The following CSMD2 variants were observed in gnomAD, a reference collection of about 807,000 sequenced individuals.
The protein encoded by CSMD2 is CUB and sushi domain-containing protein 2.
CSMD2 carries 130 observed loss-of-function variants against 398.5 expected under a neutral mutation model. That is an observed-to-expected ratio of 0.33 (90% CI 0.28 to 0.38). The LOEUF (loss-of-function observed/expected upper bound fraction) is 0.38. CSMD2 is among the 10% of genes least tolerant of loss of function. The probability of loss-of-function intolerance (pLI) is 1.00; values close to 1 mark genes in which losing one functional copy is unlikely to be tolerated. For synonymous variants in CSMD2, 1,828 were observed against 1,908.5 expected, an observed-to-expected ratio of 0.96 and a Z score of 1.10; for missense variants, 3,829 against 4,764.9, an observed-to-expected ratio of 0.80 and a Z score of 5.78.
At chr1:33,557,614 G>GCACACA (rs1658135296) in intron 55 of CSMD2, 120 bp downstream of exon 55, 1 of 761,008 alleles carries the variant, frequency 1.3e-6, no homozygotes, top group Admixed American at 3.0e-5. Flanking sequence ...TCATACATGT[G>GCACACA]CAGACACACA....
rs567624936 is a variant in CSMD2, at chr1:33,661,027, T to C, written c.4255+1863A>G. On this transcript the variant is annotated intron_variant, in intron 26 of 70. Transcript: ENST00000373381. ...GAGGCAGTGGCATCTGAGATGAACC[T>C]TGAAGGATGAATAGGACTTCCATGA... is the stretch of plus-strand genomic sequence containing the variant. 6.6e-5 allele frequency among the ~76,000 whole-genome samples: 10 copies of C among 152,238 alleles called. No individual in the cohort carries two copies. The South Asian group carries it at 8.3e-4, about 13-fold the overall frequency.
chr1:34,104,483 T>C (rs181657969), intron 1 of CSMD2, among the ~76,000 whole-genome samples: 2 of 152,324 alleles, frequency 1.3e-5, no homozygotes, highest in East Asian at 3.9e-4. Context: ...CAGTGGGACA[T>C]CCAGACGGAG....
At position 33,521,542 on chromosome 1, in the gene CSMD2, T is replaced by C; in HGVS notation, c.10518A>G (p.Ser3506=). Residue 3506 remains serine, a synonymous_variant, in exon 68 of 71, where the codon TCA becomes TCG. Transcript: ENST00000373381. ...DHWALDGHVS[S]ESSGATFIYQ... ...AGATGAAGGTGGCTCCGGAGGACTC[T>C]GACGAGACCTGTGATGGTGGGGAGC... is the stretch of plus-strand genomic sequence containing the variant. 2.5e-6 allele frequency: 4 copies of C among 1,607,202 alleles called. No individual in the cohort carries two copies. Among genetic ancestry groups the C allele is most frequent in the Non-Finnish European group, 3.4e-6 (4 of 1,173,744 alleles).
rs142303024 is a variant in CSMD2 at position 34,011,611 on chromosome 1, G to A, written c.517+20983C>T. Among the ~76,000 whole-genome samples the A allele has an allele frequency of 4.9e-4, 75 of 152,196 alleles. No individual in the cohort carries two copies. The East Asian group carries it at 0.013, about 25-fold the overall frequency. The stretch of plus-strand genomic sequence containing the variant: ...TTTAATTTTTGTTGAGTACATAGGT[G>A]TATATATTCATGGGGTACATGAGAT... On this transcript the variant is annotated intron_variant, in intron 3 of 70. Transcript: ENST00000373381.
intron 22 of CSMD2, among the ~76,000 whole-genome samples, chr1:33,705,839 A>T (rs571533553): frequency 2.7e-5 from 4 of 150,256 alleles, no homozygotes; most frequent in Admixed American, 2.0e-4. Context: ...TCTCTCCTAT[A>T]TCTTTGATTA....
In CSMD2 at chr1:33,728,197, G is replaced by A. The variant is rs550511577; in HGVS notation, c.2369-1512C>T. ...CTCCTTTGTACTCCCTTACTATGGAGCTATCAGATGCCAAAAATTCCCTGA... is the reference window on the plus strand; with the variant it reads ...CTCCTTTGTACTCCCTTACTATGGAACTATCAGATGCCAAAAATTCCCTGA... On this transcript the variant is annotated intron_variant, in intron 15 of 70. Transcript: ENST00000373381. Among the ~76,000 whole-genome samples, 4 of 152,218 alleles carry A rather than the reference G, an allele frequency of 2.6e-5. No individual in the cohort carries two copies. The East Asian group carries it at 7.7e-4, about 29-fold the overall frequency.
chr1:33,724,390 T>C lies in CSMD2; in HGVS notation c.2885-77A>G, dbSNP rs116333774. 1,271 of 1,491,496 alleles carry C rather than the reference T, an allele frequency of 8.5e-4. 14 individuals carry two copies. The African/African-American group carries it at 0.016, about 19-fold the overall frequency. 92.4% of individuals were successfully genotyped at this position (1,491,496 alleles called of 1,614,324 possible). ...CCCCCGTCATCCTCCTGGGACCCCA[T>C]CCCCCATCTCTCGAAAGCCCAACCT... On this transcript the variant is annotated intron_variant, in intron 18 of 70. Transcript: ENST00000373381.
At chr1:33,744,628 A>G (rs139104168) in intron 13 of CSMD2, among the ~76,000 whole-genome samples, 1 of 152,332 alleles carries the variant, frequency 6.6e-6, no homozygotes. Flanking sequence ...AAAATAATAA[A>G]ATGAAAAAAA....
chr1:34,046,392 G>T (rs1270771097), intron 2 of CSMD2, among the ~76,000 whole-genome samples: 1 of 152,142 alleles, frequency 6.6e-6, no homozygotes, highest in Non-Finnish European at 1.5e-5. Flanking sequence ...CAGTTATTTG[G>T]ACCTAACTAC....
chr1:34,091,787 A>G (rs1026916457), intron 1 of CSMD2, among the ~76,000 whole-genome samples: 2 of 152,234 alleles, frequency 1.3e-5, no homozygotes, highest in Non-Finnish European at 2.9e-5. Context: ...TCAATTTTAG[A>G]ACAATACTCT....
intron 3 of CSMD2, among the ~76,000 whole-genome samples, chr1:34,010,861 G>A (rs146855153): frequency 0.015 from 2,223 of 152,188 alleles, 49 homozygotes; most frequent in African/African-American, 0.051. Flanking sequence ...TCCTGACCTC[G>A]TGATCTGCCC....
chr1:34,135,763 G>T (rs1234821720), intron 1 of CSMD2, among the ~76,000 whole-genome samples: 1 of 151,640 alleles, frequency 6.6e-6, no homozygotes, highest in Non-Finnish European at 1.5e-5. Context: ...AGAGAAAAAA[G>T]CATGTTACAG....
At chr1:33,667,176 T>C (rs543246458) in intron 25 of CSMD2, among the ~76,000 whole-genome samples, 2 of 152,262 alleles carry the variant, frequency 1.3e-5, no homozygotes, top group Admixed American at 6.5e-5. Context: ...CTAGAGGCCA[T>C]GTGAAATCCT....
intron 4 of CSMD2, among the ~76,000 whole-genome samples, chr1:33,928,159 G>A (rs1320121889): frequency 6.6e-6 from 1 of 152,200 alleles, no homozygotes; most frequent in Admixed American, 6.5e-5. Context: ...TGCCTGCAGT[G>A]GAGGGTGGTG....
intron 40 of CSMD2, among the ~76,000 whole-genome samples, chr1:33,612,857 A>AT (rs112136502): frequency 0.98 from 149,281 of 152,074 alleles, 73,246 homozygotes; most frequent in East Asian, 1. Flanking sequence ...AATTTTTTGT[A>AT]TTTTAGTAGA....
intron 9 of CSMD2, among the ~76,000 whole-genome samples, chr1:33,816,751 A>T (rs556264226): frequency 6.6e-6 from 1 of 152,170 alleles, no homozygotes; most frequent in Admixed American, 6.5e-5. Flanking sequence ...GTGAACGCCT[A>T]ATTTCATATC....
At chr1:34,100,700 G>T (rs550257093) in intron 1 of CSMD2, among the ~76,000 whole-genome samples, 2 of 152,168 alleles carry the variant, frequency 1.3e-5, no homozygotes, top group Non-Finnish European at 2.9e-5. Context: ...GGTTATACTA[G>T]AATTTAGTTA....
chr1:33,768,527 T>TGTGC (rs1650823770), intron 13 of CSMD2, among the ~76,000 whole-genome samples: 1 of 133,726 alleles, frequency 7.5e-6, no homozygotes, highest in Non-Finnish European at 1.6e-5. Context: ...TCCCGGAATG[T>TGTGC]GTGCGTGCAT....
Position 33,859,638 on chromosome 1 carries a change from G to T in CSMD2, c.921-12642C>A, listed in dbSNP as rs1430633636. Among the ~76,000 whole-genome samples the T allele has an allele frequency of 2.0e-5, 3 of 152,354 alleles. No individual in the cohort carries two copies. In the East Asian group the frequency reaches 5.8e-4, roughly 29 times the overall value. Reference sequence around the variant, plus strand: ...CACTTGCAGATGCCTTGTTCAGAGGGTAAATGCAACCAGTGAGTCCCACTC... The same window carrying T: ...CACTTGCAGATGCCTTGTTCAGAGGTTAAATGCAACCAGTGAGTCCCACTC... On this transcript the variant is annotated intron_variant, in intron 5 of 70. Coordinates refer to ENST00000373381, the MANE Select transcript of CSMD2 (RefSeq NM_001281956.2).
Sources: gnomAD v4.1 joint callset for allele counts (sites outside exome capture counted in the v4.1 genomes callset) on GRCh38, gnomAD v4.1.1 for gene constraint, MANE v1.5 for transcripts, NCBI Gene and HGNC (gene_info 2026-07-23, HGNC 2026-07-21) for gene names.